Variants in ROS1 observed in about 807,000 individuals in gnomAD.
The protein encoded by ROS1 is proto-oncogene tyrosine-protein kinase ROS.
In ROS1, 263 loss-of-function variants were observed where a neutral mutation model predicts 273.5. That is an observed-to-expected ratio of 0.96 (90% CI 0.87 to 1.06). The LOEUF is 1.06. Among genes scored for constraint, ROS1 ranks in the 50% least tolerant of loss-of-function variants. ROS1 has a pLI of 0.00. For synonymous variants in ROS1, 1,008 were observed against 954.1 expected (o/e 1.06, Z -1.04); for missense variants, 2,833 against 2,751.1 (o/e 1.03, Z -0.67).
At chr6:117,393,116 G>A (rs1773196934) in intron 12 of ROS1, 108 bp downstream of exon 12, 2 of 743,748 alleles carry the variant, frequency 2.7e-6, no homozygotes, top group Non-Finnish European at 4.7e-6. Flanking sequence ...AAAGTAAGAT[G>A]CATAGATAGG....
At chr6:117,308,256 A>G (rs1038201032) in intron 42 of ROS1, among the ~76,000 whole-genome samples, 7 of 152,178 alleles carry the variant, frequency 4.6e-5, no homozygotes, top group Non-Finnish European at 8.8e-5. Context: ...AGGATTCGCT[A>G]AAGTTACAAT....
At chr6:117,365,765 A>C in intron 19 of ROS1, 24 bp from the exon 20 acceptor site, 1 of 1,491,156 alleles carries the variant, frequency 6.7e-7, no homozygotes, top group Non-Finnish European at 9.0e-7. Context: ...CAAAAAAAAG[A>C]AATAGGAGAA....
At chr6:117,296,291 C>T (rs1257020371) in intron 43 of ROS1, among the ~76,000 whole-genome samples, 1 of 152,008 alleles carries the variant, frequency 6.6e-6, no homozygotes, top group Non-Finnish European at 1.5e-5. Flanking sequence ...GTCCCAGCTA[C>T]TCGGAATGCC....
At chr6:117,365,844 G>A in intron 19 of ROS1, 103 bp from the exon 20 acceptor site, 2 of 1,031,982 alleles carry the variant, frequency 1.9e-6, no homozygotes, top group Non-Finnish European at 2.8e-6. Context: ...AATTAGAACT[G>A]AAACAAAATT....
intron 33 of ROS1, chr6:117,328,859 C>A (rs1193819853): frequency 1.6e-6 from 1 of 612,844 alleles, no homozygotes; most frequent in East Asian, 3.4e-5. Flanking sequence ...AATACAGAAT[C>A]CTGTGTGACC....
At chr6:117,316,999 C>A in intron 39 of ROS1, 144 bp downstream of exon 39, 1 of 870,402 alleles carries the variant, frequency 1.1e-6, no homozygotes, top group Non-Finnish European at 1.7e-6. Flanking sequence ...TTGTCAAAAG[C>A]TAATGTGAAG....
chr6:117,293,372 A>G (rs1264307531), intron 43 of ROS1, among the ~76,000 whole-genome samples: 4 of 152,222 alleles, frequency 2.6e-5, no homozygotes, highest in Non-Finnish European at 5.9e-5. Context: ...ATTCCTTTAG[A>G]TTACCTAAAT....
chr6:117,327,891 T>G (rs996342714), intron 33 of ROS1, among the ~76,000 whole-genome samples: 1 of 152,062 alleles, frequency 6.6e-6, no homozygotes, highest in East Asian at 1.9e-4. Context: ...ATGATGACAG[T>G]GATGCACCTA....
rs193105043 is a variant in ROS1, at chr6:117,377,887, A to G, written c.2582+1172T>C. ...AGAAAAATACTTGAACAGGCATATC[A>G]TAAAAGAAGATATATAAATGGCTGA... On this transcript the variant is annotated intron_variant, in intron 18 of 43. Transcript: ENST00000368507. 1.6e-3 allele frequency among the ~76,000 whole-genome samples: 247 copies of G among 152,298 alleles called. 1 individual carries two copies. Among genetic ancestry groups the G allele is most frequent in the African/African-American group, 5.5e-3 (228 of 41,568 alleles).
chr6:117,350,564 A>G (rs1778746180), intron 27 of ROS1, among the ~76,000 whole-genome samples: 1 of 151,710 alleles, frequency 6.6e-6, no homozygotes, highest in Non-Finnish European at 1.5e-5. Context: ...TATTTTTCAA[A>G]TATTTCCTCC....
chr6:117,315,195 G>A (rs1052276594), intron 39 of ROS1, among the ~76,000 whole-genome samples: 4 of 152,084 alleles, frequency 2.6e-5, no homozygotes, highest in Non-Finnish European at 4.4e-5. Context: ...GGACAAAGTT[G>A]AGGAAGTCTA....
In ROS1 at chr6:117,389,494, C is replaced by A. The variant is rs1772873017; in HGVS notation, c.1642G>T (p.Glu548Ter). 6.2e-7 allele frequency: 1 copy of A among 1,614,174 alleles called. No homozygotes were observed. Among genetic ancestry groups the A allele is most frequent in the Non-Finnish European group, 8.5e-7 (1 of 1,180,026 alleles). The change falls in exon 13 of 44, where the codon GAA (glutamate) becomes TAA (stop). Residue 548 changes from glutamate (E) to a stop codon, truncating the protein, a stop_gained. Coordinates refer to ENST00000368507, the MANE Select transcript of ROS1 (RefSeq NM_001378902.1). LOFTEE classifies it high-confidence loss of function. ...IVGCDLSHIEEFGFGNLVIFG... is the reference protein window; with the variant it reads ...IVGCDLSHIE ...ATGACCAAGTTACCAAACCCAAATT[C>A]TTCTATGTGACTCAGGTCACATCCC...
rs1777893244 is a variant in ROS1 at position 117,341,281 on chromosome 6, A to G, written c.4915T>C (p.Cys1639Arg). ...ACAGTGACAGGATGACTCTCTGTACACCACATTTCCTCAGAGTGGCAGGCA... is the reference window on the plus strand; with the variant it reads ...ACAGTGACAGGATGACTCTCTGTACGCCACATTTCCTCAGAGTGGCAGGCA... ...VLACHSEEMW[C>R]TESHPVTVEM... The change falls in exon 31 of 44, where the codon TGT becomes CGT. Residue 1639 changes from cysteine (C) to arginine (R), a missense_variant. Cys to Arg is a radical substitution (Grantham distance 180, BLOSUM62 -3). Coordinates refer to ENST00000368507, the MANE Select transcript of ROS1 (RefSeq NM_001378902.1). 6.2e-7 allele frequency: 1 copy of G among 1,613,280 alleles called. No homozygotes were observed. The highest frequency in any genetic ancestry group is 8.5e-7 in the Non-Finnish European group (1 of 1,179,662).
In ROS1 at chr6:117,394,805, G is replaced by C. The variant is rs537414816; in HGVS notation, c.884-67C>G. The stretch of plus-strand genomic sequence containing the variant: ...CAGGTACACTAACAGACACAAAAAA[G>C]ATCAGTACTACCCTTCAAAGCAAGG... On this transcript the variant is annotated intron_variant, in intron 9 of 43. Coordinates refer to ENST00000368507, the MANE Select transcript of ROS1 (RefSeq NM_001378902.1). 7.7e-6 allele frequency: 11 copies of C among 1,432,290 alleles called. No homozygotes were observed. The African/African-American group carries it at 8.5e-5, about 11-fold the overall frequency. 88.7% of individuals were successfully genotyped at this position (1,432,290 alleles called of 1,614,324 possible).
chr6:117,406,353 T>C (rs1305167973), intron 5 of ROS1, among the ~76,000 whole-genome samples: 1 of 152,120 alleles, frequency 6.6e-6, no homozygotes, highest in Non-Finnish European at 1.5e-5. Context: ...ATAAATGACC[T>C]AGAAATCAGA....
intron 42 of ROS1, among the ~76,000 whole-genome samples, chr6:117,307,088 CT>C (rs1257922823): frequency 1.3e-5 from 2 of 152,118 alleles, no homozygotes; most frequent in Non-Finnish European, 2.9e-5. Context: ...ATCAGGAATA[CT>C]TTTCTAGCAC....
At position 117,425,724 on chromosome 6, in the gene ROS1, G is replaced by A; in HGVS notation, c.-68C>T. The A allele has an allele frequency of 6.5e-7, 1 of 1,549,776 alleles. No individual in the cohort carries two copies. The highest frequency in any genetic ancestry group is 8.8e-7 in the Non-Finnish European group (1 of 1,135,348). ...CTCCATTTTGCTATATGAATTATTT[G>A]GGCTTCATCACTTCAATTGGAGGAG... On this transcript the variant is annotated 5_prime_UTR_variant, in exon 1 of 44. Transcript: ENST00000368507.
intron 33 of ROS1, chr6:117,328,798 G>A (rs759714560): frequency 3.8e-5 from 23 of 613,278 alleles, no homozygotes; most frequent in Non-Finnish European, 5.5e-5. Flanking sequence ...TTTCATCGAC[G>A]GTGTGTTTTC....
At position 117,337,184 on chromosome 6, in the gene ROS1, A is replaced by C. The variant is rs773762930; in HGVS notation, c.5218T>G (p.Phe1740Val). 3 of 1,611,918 alleles carry C rather than the reference A, an allele frequency of 1.9e-6. No individual in the cohort carries two copies. ...TGTTAGTACTCACCTTTTGTCTTAA[A>C]GCTTTCTGGAAGTGAGGTGCTATTT... ...GENSTSLPES[F>V]KTKAGVPNKP... Residue 1740 changes from phenylalanine to valine, a missense_variant, in exon 32 of 44, where the codon TTT becomes GTT. By Grantham distance (50) the Phe-to-Val change is conservative (BLOSUM62 -1). Transcript: ENST00000368507.
Sources: allele counts gnomAD v4.1 joint callset (sites outside exome capture counted in the v4.1 genomes callset), GRCh38; gene constraint gnomAD v4.1.1; transcripts MANE v1.5; gene names NCBI Gene and HGNC (gene_info 2026-07-23, HGNC 2026-07-21).